Variants in PLA2G4D observed in about 807,000 individuals in gnomAD.
PLA2G4D encodes cytosolic phospholipase A2 delta.
Under a neutral mutation model 94.4 loss-of-function variants are expected in PLA2G4D, and 80 were observed. The observed-to-expected ratio is 0.85, with a 90% CI of 0.71 to 1.02. The LOEUF is 1.02. PLA2G4D is among the 50% of genes least tolerant of loss of function. The pLI is 0.00. For missense variants in PLA2G4D, 1,050 were observed against 1,034.7 expected (o/e 1.01, Z -0.20); for synonymous variants, 438 against 440.9 (o/e 0.99, Z 0.08).
rs184039533 is a variant in PLA2G4D at position 42,087,734 on chromosome 15, G to A, written c.46-34C>T. ...AAAATCAAACTCCAGAGTCCTTCCT[G>A]CATTCCCTCCCTTATGCCTGGAGCT... On this transcript the variant is annotated intron_variant, in intron 1 of 19. Transcript: ENST00000290472. 292 of 1,604,924 alleles carry A rather than the reference G, an allele frequency of 1.8e-4. No individual in the cohort carries two copies. In the African/African-American group the frequency reaches 3.5e-3, roughly 19 times the overall value.
At chr15:42,080,902 A>C in intron 12 of PLA2G4D, 95 bp downstream of exon 12, 1 of 1,451,920 alleles carries the variant, frequency 6.9e-7, no homozygotes, top group East Asian at 2.5e-5. Flanking sequence ...GATCACACCT[A>C]CTTGGCCTCC....
At chr15:42,071,665 C>CCCCCCCCCCCCCTTTTCCTGG in intron 15 of PLA2G4D, 109 bp downstream of exon 15, 1 of 1,247,306 alleles carries the variant, frequency 8.0e-7, no homozygotes, top group South Asian at 1.3e-5. Context: ...TCCCCCCCGC[C>CCCCCCCCCCCCCTTTTCCTGG]ACCCCTCCCC....
At chr15:42,071,087 C>T (rs763319016) in intron 17 of PLA2G4D, 36 bp downstream of exon 17, 4 of 1,592,298 alleles carry the variant, frequency 2.5e-6, no homozygotes, top group South Asian at 2.3e-5. Flanking sequence ...AGAGGCCCAA[C>T]CTTGTGACCT....
intron 5 of PLA2G4D, 141 bp from the exon 6 acceptor site, chr15:42,085,279 A>G (rs2141101309): frequency 9.3e-7 from 1 of 1,069,924 alleles, no homozygotes; most frequent in East Asian, 2.4e-5. Context: ...GCTTTGCAGG[A>G]GGAGAGGGGA....
At chr15:42,081,452 C>T in intron 11 of PLA2G4D, 27 bp downstream of exon 11, 1 of 1,607,634 alleles carries the variant, frequency 6.2e-7, no homozygotes, top group Non-Finnish European at 8.5e-7. Flanking sequence ...AGGATATCTG[C>T]ACACACATCC....
rs987259836 is a variant in PLA2G4D at position 42,094,350 on chromosome 15, C to G, written c.45+65G>C. 3 of 1,585,930 alleles carry G rather than the reference C, an allele frequency of 1.9e-6. No homozygotes were observed. In the African/African-American group the frequency reaches 4.0e-5, roughly 21 times the overall value. On this transcript the variant is annotated intron_variant, in intron 1 of 19. Coordinates refer to ENST00000290472, the MANE Select transcript of PLA2G4D (RefSeq NM_178034.4). ...ACCCTGATTCCAGCTATCACACTTC[C>G]CAGAATGCACCCTGGCTCCAGGCCT...
At chr15:42,094,324 C>A (rs1367279530) in intron 1 of PLA2G4D, 91 bp downstream of exon 1, 2 of 1,472,128 alleles carry the variant, frequency 1.4e-6, no homozygotes, top group Non-Finnish European at 9.4e-7. Flanking sequence ...AGTCTGAAAT[C>A]ACCCTGATTC....
chr15:42,087,099 C>A (rs1325854809), intron 3 of PLA2G4D, among the ~76,000 whole-genome samples: 1 of 152,174 alleles, frequency 6.6e-6, no homozygotes, highest in Non-Finnish European at 1.5e-5. Context: ...GGGAGTCAGT[C>A]CCACAGCCAG....
At chr15:42,069,883 T>C in intron 19 of PLA2G4D, 26 bp downstream of exon 19, 1 of 1,391,492 alleles carries the variant, frequency 7.2e-7, no homozygotes, top group South Asian at 1.7e-5. Flanking sequence ...CCAGGCAGCC[T>C]GGGTGCTTGG....
chr15:42,085,445 G>C (rs764660701), intron 5 of PLA2G4D, 46 bp downstream of exon 5: 4 of 1,607,870 alleles, frequency 2.5e-6, no homozygotes, highest in South Asian at 2.2e-5. Flanking sequence ...CATTTCCTCA[G>C]AGCCTGAGTC....
chr15:42,071,250 C>G lies in PLA2G4D; in HGVS notation c.1749G>C (p.Thr583=), dbSNP rs760967904. Residue 583 remains threonine, a synonymous_variant, in exon 17 of 20, where the codon ACG becomes ACC. Transcript: ENST00000290472. Reference sequence around the variant, plus strand: ...AGCCTTTAAATGCCTGGGCCAGCGCCGTGCCTGGCTGCAGCCACGAGGCCT... The same window carrying G: ...AGCCTTTAAATGCCTGGGCCAGCGCGGTGCCTGGCTGCAGCCACGAGGCCT... ...RLEASWLQPG[T]ALAQAFKGFL... is the part of the protein sequence containing the mutation. 1.2e-6 allele frequency: 2 copies of G among 1,609,568 alleles called. No individual in the cohort carries two copies. Among genetic ancestry groups the G allele is most frequent in the Non-Finnish European group, 8.5e-7 (1 of 1,178,746 alleles).
intron 2 of PLA2G4D, 80 bp downstream of exon 2, chr15:42,087,548 C>T (rs956073327): frequency 6.2e-7 from 1 of 1,605,006 alleles, no homozygotes; most frequent in African/African-American, 1.3e-5. Flanking sequence ...CCCAGCCCAG[C>T]CCCAGGGCAC....
chr15:42,081,393 G>A, intron 11 of PLA2G4D, 86 bp downstream of exon 11: 1 of 1,541,940 alleles, frequency 6.5e-7, no homozygotes, highest in South Asian at 1.3e-5. Flanking sequence ...TCCACTGACT[G>A]GAGTTTCTGG....
chr15:42,072,148 G>A, intron 14 of PLA2G4D, 127 bp downstream of exon 14: 1 of 1,026,294 alleles, frequency 9.7e-7, no homozygotes, highest in South Asian at 1.5e-5. Context: ...GAGCCCCTCA[G>A]CACCACTGCC....
Position 42,081,544 on chromosome 15 carries a change from TC to T in PLA2G4D, c.891del (p.Lys298SerfsTer8). On this transcript the variant is annotated frameshift_variant, in exon 11 of 20. Transcript: ENST00000290472. LOFTEE classifies it high-confidence loss of function. ...CAEEQAFLSR[R>X]KQVVAKALKQ... ...TTCAGGGCCTTGGCCACCACCTGCT[TC>T]CTCCTGCTCAGGAAGGCCTGCTCCT... 1.2e-6 allele frequency: 2 copies of T among 1,614,186 alleles called. No individual in the cohort carries two copies. Among genetic ancestry groups the T allele is most frequent in the Non-Finnish European group, 1.7e-6 (2 of 1,180,018 alleles).
intron 19 of PLA2G4D, among the ~76,000 whole-genome samples, chr15:42,069,170 C>T (rs1889750020): frequency 2.6e-5 from 4 of 152,192 alleles, no homozygotes; most frequent in Admixed American, 1.3e-4. Flanking sequence ...CGTGACACCC[C>T]TTAGGCTATT....
chr15:42,071,653 C>T, intron 15 of PLA2G4D, 102 bp from the exon 16 acceptor site: 1 of 1,409,750 alleles, frequency 7.1e-7, no homozygotes, highest in Non-Finnish European at 9.9e-7. Context: ...CCCTACAATG[C>T]ATCCCCCCCG....
intron 11 of PLA2G4D, 136 bp from the exon 12 acceptor site, chr15:42,081,269 C>A: frequency 4.1e-6 from 6 of 1,452,790 alleles, no homozygotes; most frequent in Non-Finnish European, 3.7e-6. Flanking sequence ...AGGGTTAGAG[C>A]TGGGTCCAGC....
At chr15:42,083,372 G>A (rs1038213084) in intron 7 of PLA2G4D, 38 bp from the exon 8 acceptor site, 2 of 1,588,770 alleles carry the variant, frequency 1.3e-6, no homozygotes, top group Non-Finnish European at 1.7e-6. Flanking sequence ...GAGAACAAGA[G>A]CCCGGAACCC....
Sources: allele counts gnomAD v4.1 joint callset (sites outside exome capture counted in the v4.1 genomes callset), GRCh38; gene constraint gnomAD v4.1.1; transcripts MANE v1.5; gene names NCBI Gene and HGNC (gene_info 2026-07-23, HGNC 2026-07-21).